The following DNAH12 variants were observed in gnomAD, a reference collection of about 807,000 sequenced individuals.
DNAH12 encodes dynein axonemal heavy chain 12.
In DNAH12, 285 loss-of-function variants were observed where a neutral mutation model predicts 371.5. The observed-to-expected ratio is 0.77, with a 90% CI of 0.70 to 0.85. The LOEUF is 0.85. Ranked by LOEUF, DNAH12 falls within the 40% of genes least tolerant of loss-of-function variation. DNAH12 has a pLI of 0.00. For missense variants in DNAH12, 3,611 were observed against 3,689.4 expected (o/e 0.98, Z 0.55); for synonymous variants, 1,200 against 1,213.0 (o/e 0.99, Z 0.22).
At chr3:57,383,028 G>A (rs1365715660) in intron 49 of DNAH12, among the ~76,000 whole-genome samples, 1 of 152,138 alleles carries the variant, frequency 6.6e-6, no homozygotes, top group African/African-American at 2.4e-5. Flanking sequence ...AGAGTGGCAG[G>A]GTGCAAGACA....
At chr3:57,512,998 G>A (rs1473752447) in intron 4 of DNAH12, among the ~76,000 whole-genome samples, 1 of 152,026 alleles carries the variant, frequency 6.6e-6, no homozygotes, top group Admixed American at 6.6e-5. Flanking sequence ...AATTAGCCAG[G>A]CGTGGTGGCA....
intron 62 of DNAH12, among the ~76,000 whole-genome samples, 180 bp from the exon 63 acceptor site, chr3:57,323,799 G>C (rs1351050997): frequency 2.0e-5 from 3 of 152,124 alleles, no homozygotes; most frequent in African/African-American, 7.2e-5. Context: ...TATAGGAGAA[G>C]ACTATCCAAA....
intron 35 of DNAH12, among the ~76,000 whole-genome samples, chr3:57,423,201 T>C (rs953235883): frequency 6.6e-6 from 1 of 152,210 alleles, no homozygotes; most frequent in Non-Finnish European, 1.5e-5. Flanking sequence ...ATAACTCTCT[T>C]GAAGTGATTC....
At chr3:57,508,049 T>A (rs1289396747) in intron 7 of DNAH12, among the ~76,000 whole-genome samples, 1 of 151,776 alleles carries the variant, frequency 6.6e-6, no homozygotes, top group Non-Finnish European at 1.5e-5. Flanking sequence ...TAGCTGGGTG[T>A]GGTGGTGTAT....
chr3:57,319,520 C>T lies in DNAH12; in HGVS notation c.10524+2823G>A, dbSNP rs1026388753. Among the ~76,000 whole-genome samples the T allele has an allele frequency of 2.6e-5, 4 of 152,098 alleles. 1 individual carries two copies. Among genetic ancestry groups the T allele is most frequent in the Non-Finnish European group, 1.5e-5 (1 of 67,986 alleles). On this transcript the variant is annotated intron_variant, in intron 65 of 73. Transcript: ENST00000495027. Reference sequence around the variant, plus strand: ...ATAAGTTGTGGTATTTTCATATTGGCTTTTATTATGTTGAGGTAATTTTCT... The same window carrying T: ...ATAAGTTGTGGTATTTTCATATTGGTTTTTATTATGTTGAGGTAATTTTCT...
At chr3:57,318,405 T>C (rs1031456572) in intron 65 of DNAH12, among the ~76,000 whole-genome samples, 6 of 152,200 alleles carry the variant, frequency 3.9e-5, no homozygotes, top group African/African-American at 1.2e-4. Flanking sequence ...TACCAGTTGT[T>C]GAAGAGACTA....
intron 34 of DNAH12, among the ~76,000 whole-genome samples, chr3:57,427,612 C>T (rs952999412): frequency 7.2e-5 from 11 of 152,056 alleles, no homozygotes; most frequent in African/African-American, 2.2e-4. Context: ...ATTGCTTCAA[C>T]GTGGGAGACA....
chr3:57,408,184 C>A (rs757212100), intron 40 of DNAH12, 96 bp downstream of exon 40: 77 of 1,330,014 alleles, frequency 5.8e-5, no homozygotes, highest in Non-Finnish European at 7.2e-5. Context: ...TTCTCTGACA[C>A]CAAAGACCAA....
At chr3:57,360,107 T>C (rs2062891084) in intron 58 of DNAH12, among the ~76,000 whole-genome samples, 1 of 152,190 alleles carries the variant, frequency 6.6e-6, no homozygotes, top group African/African-American at 2.4e-5. Context: ...GCTCCCTATC[T>C]TCTCTCCCCT....
At chr3:57,444,408 T>C (rs1035666550) in intron 29 of DNAH12, among the ~76,000 whole-genome samples, 2 of 152,042 alleles carry the variant, frequency 1.3e-5, no homozygotes, top group African/African-American at 4.8e-5. Context: ...GCCAGGTTGG[T>C]CTCAAACTCC....
chr3:57,441,745 T>C (rs1317303219), intron 29 of DNAH12, among the ~76,000 whole-genome samples: 1 of 152,084 alleles, frequency 6.6e-6, no homozygotes, highest in Admixed American at 6.6e-5. Context: ...TGAGCTATGA[T>C]CATGCCACTG....
At chr3:57,322,555 A>AT in intron 64 of DNAH12, 72 bp from the exon 65 acceptor site, 1 of 1,438,524 alleles carries the variant, frequency 7.0e-7, no homozygotes, top group South Asian at 1.5e-5. Flanking sequence ...ATACACGTGG[A>AT]TTAAAAAACA....
chr3:57,350,477 T>TG (rs1157879179), intron 60 of DNAH12, among the ~76,000 whole-genome samples: 1 of 152,142 alleles, frequency 6.6e-6, no homozygotes, highest in African/African-American at 2.4e-5. Context: ...GAGAGCTGCA[T>TG]GGTAAAAATG....
upstream of DNAH12, among the ~76,000 whole-genome samples, chr3:57,547,596 T>G (rs528186875): frequency 1.3e-5 from 2 of 152,270 alleles, no homozygotes; most frequent in South Asian, 2.1e-4. Context: ...TCTGGAGATA[T>G]CAGGTAGAGA....
At chr3:57,504,238 T>C in intron 8 of DNAH12, 34 bp from the exon 9 acceptor site, 3 of 1,559,234 alleles carry the variant, frequency 1.9e-6, no homozygotes, top group African/African-American at 1.4e-5. Context: ...CTTTAGAGAG[T>C]ACAAATTCAA....
Position 57,471,647 on chromosome 3 carries a change from C to T in DNAH12, c.1777-41G>A, listed in dbSNP as rs747797335. 7 of 1,465,844 alleles carry T rather than the reference C, an allele frequency of 4.8e-6. No individual in the cohort carries two copies. In the African/African-American group the frequency reaches 8.7e-5, roughly 18 times the overall value. 90.8% of individuals were successfully genotyped at this position (1,465,844 alleles called of 1,614,324 possible). A position where few individuals can be genotyped will look rare whatever the true frequency, so the allele number is the denominator to read the frequency against. ...TTTGATCATGTTAGTTAATCTGTAA[C>T]AAAGAATTATCAAGTCAGAAATCCA... On this transcript the variant is annotated intron_variant, in intron 14 of 73. Transcript: ENST00000495027.
At chr3:57,326,102 C>A (rs1009127953) in intron 62 of DNAH12, among the ~76,000 whole-genome samples, 2 of 151,834 alleles carry the variant, frequency 1.3e-5, no homozygotes, top group East Asian at 1.9e-4. Context: ...TTGAAAGTGA[C>A]GGGGAGAATG....
In DNAH12 at chr3:57,458,119, C is replaced by T. The variant is rs1180105753; in HGVS notation, c.3033G>A (p.Lys1011=). 1.9e-6 allele frequency: 3 copies of T among 1,545,024 alleles called. No homozygotes were observed. The highest frequency in any genetic ancestry group is 1.4e-5 in the African/African-American group (1 of 72,602). Residue 1011 remains lysine, a synonymous_variant, in exon 21 of 74, where the codon AAG becomes AAA. Transcript: ENST00000495027. ...CATACCGAGGGAAGAAAAGACGTTTCTTTTCAAGATATGCGTTAAGACCTT... is the reference window on the plus strand; with the variant it reads ...CATACCGAGGGAAGAAAAGACGTTTTTTTTCAAGATATGCGTTAAGACCTT... The part of the protein sequence containing the change: ...IMKGLNAYLE[K]KRLFFPRFFF...
intron 45 of DNAH12, among the ~76,000 whole-genome samples, chr3:57,391,575 A>C (rs1232284239): frequency 2.0e-5 from 3 of 152,202 alleles, no homozygotes; most frequent in Admixed American, 6.5e-5. Context: ...TAACTAACTC[A>C]TCTTCATGAC....
Sources: gnomAD v4.1 joint callset for allele counts (sites outside exome capture counted in the v4.1 genomes callset) on GRCh38, gnomAD v4.1.1 for gene constraint, MANE v1.5 for transcripts, NCBI Gene and HGNC (gene_info 2026-07-23, HGNC 2026-07-21) for gene names.